The following KDM4B variants were observed in gnomAD, a reference collection of about 807,000 sequenced individuals.
KDM4B encodes the protein lysine demethylase 4B.
In KDM4B, 32 loss-of-function variants were observed where a neutral mutation model predicts 125.2. The ratio of observed to expected loss-of-function variants is 0.26; its 90% CI spans 0.19 to 0.34. The LOEUF is 0.34. Ranked by LOEUF, KDM4B falls within the 10% of genes least tolerant of loss-of-function variation. KDM4B has a pLI of 1.00. For synonymous variants in KDM4B, 721 were observed against 677.9 expected, an observed-to-expected ratio of 1.06 and a Z score of -0.99; for missense variants, 1,190 against 1,577.7, an observed-to-expected ratio of 0.75 and a Z score of 4.16.
intron 11 of KDM4B, among the ~76,000 whole-genome samples, chr19:5,130,067 G>A (rs2620842): frequency 0.29 from 43,979 of 151,860 alleles, 6,445 homozygotes; most frequent in East Asian, 0.44. Context: ...CCCTCAGCTC[G>A]AGTCCCTTCC....
intron 11 of KDM4B, among the ~76,000 whole-genome samples, chr19:5,127,160 C>G (rs941715029): frequency 1.3e-5 from 2 of 152,176 alleles, no homozygotes; most frequent in African/African-American, 4.8e-5. Context: ...GGCCTGGGTG[C>G]ATCCTGGGCC....
chr19:5,135,528 G>A lies in KDM4B; in HGVS notation c.2275G>A (p.Ala759Thr), dbSNP rs753937359. 1.2e-5 allele frequency: 19 copies of A among 1,607,192 alleles called. No homozygotes were observed. In the South Asian group the frequency reaches 1.3e-4, roughly 11 times the overall value. ...IGDDGTSPLI[A>T]CGKCCLQVHA... ...CGACGACGGGACCAGCCCCCTGATCGCCTGCGGCAAGTGCTGCCTGCAGGT... is the reference window on the plus strand; with the variant it reads ...CGACGACGGGACCAGCCCCCTGATCACCTGCGGCAAGTGCTGCCTGCAGGT... The change falls in exon 15 of 23, where the codon GCC becomes ACC. Residue 759 changes from alanine to threonine, a missense_variant. Coordinates refer to ENST00000159111, the MANE Select transcript of KDM4B (RefSeq NM_015015.3).
In KDM4B at chr19:5,103,980, C is replaced by G. The variant is rs141887811; in HGVS notation, c.919-6642C>G. On this transcript the variant is annotated intron_variant, in intron 9 of 22. Transcript: ENST00000159111. Reference sequence around the variant, plus strand: ...TTCCGAGCTCCTGAGGCTTGGCCACCCGCACATCATGGGGTGGGTGAGGAG... The same window carrying G: ...TTCCGAGCTCCTGAGGCTTGGCCACGCGCACATCATGGGGTGGGTGAGGAG... Among the ~76,000 whole-genome samples, 3 of 152,374 alleles carry G rather than the reference C, an allele frequency of 2.0e-5. No individual in the cohort carries two copies. The East Asian group carries it at 5.8e-4, about 29-fold the overall frequency.
intron 6 of KDM4B, among the ~76,000 whole-genome samples, chr19:5,055,178 G>A (rs1332323465): frequency 1.3e-5 from 2 of 152,202 alleles, no homozygotes; most frequent in Non-Finnish European, 2.9e-5. Context: ...GCTGTGTCTC[G>A]TGATGGTGTC....
At chr19:5,037,172 TC>T (rs1179908974) in intron 3 of KDM4B, among the ~76,000 whole-genome samples, 1 of 152,182 alleles carries the variant, frequency 6.6e-6, no homozygotes, top group Non-Finnish European at 1.5e-5. Flanking sequence ...ATTCACGGCT[TC>T]CCCTCGGCCA....
chr19:5,113,996 A>C (rs934031273), intron 10 of KDM4B: 2 of 1,257,086 alleles, frequency 1.6e-6, no homozygotes, highest in African/African-American at 3.1e-5. Context: ...AATCTCGTTG[A>C]GCGAGCGTTG....
At chr19:4,984,493 G>C (rs901165193) in intron 1 of KDM4B, among the ~76,000 whole-genome samples, 1 of 152,078 alleles carries the variant, frequency 6.6e-6, no homozygotes, top group African/African-American at 2.4e-5. Flanking sequence ...GGAAGCAGGC[G>C]TGGGGGTTTC....
At chr19:5,043,545 C>T (rs770683967) in intron 5 of KDM4B, among the ~76,000 whole-genome samples, 6 of 142,016 alleles carry the variant, frequency 4.2e-5, no homozygotes, top group Admixed American at 3.5e-4. Context: ...TGGTGTTTAT[C>T]GGAGTGGGGT....
chr19:5,030,904 G>A lies in KDM4B; in HGVS notation c.-25-1962G>A, dbSNP rs575875372. ...AGGGATGGCCTCAGGCCTTTGGCCC[G>A]GCCTCTGAGGGCTGGGGACCAGTAG... On this transcript the variant is annotated intron_variant, in intron 2 of 22. Coordinates refer to ENST00000159111, the MANE Select transcript of KDM4B (RefSeq NM_015015.3). Among the ~76,000 whole-genome samples the A allele has an allele frequency of 5.9e-5, 9 of 152,370 alleles. No homozygotes were observed. In the East Asian group the frequency reaches 1.2e-3, roughly 20 times the overall value.
At chr19:5,032,586 G>A (rs974727181) in intron 2 of KDM4B, among the ~76,000 whole-genome samples, 1 of 152,216 alleles carries the variant, frequency 6.6e-6, no homozygotes, top group Admixed American at 6.5e-5. Context: ...CCGAGGCCCC[G>A]CTTAAAATTA....
At chr19:5,094,558 G>C (rs764237073) in intron 9 of KDM4B, among the ~76,000 whole-genome samples, 2 of 152,100 alleles carry the variant, frequency 1.3e-5, no homozygotes, top group Non-Finnish European at 1.5e-5. Flanking sequence ...GTCTGTGGGC[G>C]TGGGAAGAAG....
intron 16 of KDM4B, 96 bp downstream of exon 16, chr19:5,137,434 G>A (rs538079239): frequency 3.1e-6 from 4 of 1,301,620 alleles, no homozygotes; most frequent in African/African-American, 1.5e-5. Flanking sequence ...TCCCCTCCGT[G>A]GGCCTGGGTT....
At chr19:5,091,561 C>T (rs909611071) in intron 9 of KDM4B, among the ~76,000 whole-genome samples, 3 of 152,202 alleles carry the variant, frequency 2.0e-5, no homozygotes, top group East Asian at 1.9e-4. Context: ...CCGGCAGGAA[C>T]CAGGCCTCTC....
intron 10 of KDM4B, among the ~76,000 whole-genome samples, chr19:5,118,176 C>G (rs1173014779): frequency 6.6e-6 from 1 of 152,182 alleles, no homozygotes; most frequent in Non-Finnish European, 1.5e-5. Flanking sequence ...TGAGCCTGCC[C>G]CACCTTGGTG....
At chr19:5,123,603 G>A (rs1483228019) in intron 11 of KDM4B, among the ~76,000 whole-genome samples, 1 of 152,240 alleles carries the variant, frequency 6.6e-6, no homozygotes, top group Non-Finnish European at 1.5e-5. Context: ...GCAGGCGAGG[G>A]GCTTCCTGCA....
intron 14 of KDM4B, among the ~76,000 whole-genome samples, chr19:5,135,076 C>CCAG (rs1447747660): frequency 6.6e-6 from 1 of 152,230 alleles, no homozygotes; most frequent in African/African-American, 2.4e-5. Context: ...GCCACACAGG[C>CCAG]CAGCCTGAGC....
At chr19:5,110,951 C>A in intron 10 of KDM4B, 133 bp downstream of exon 10, 1 of 683,932 alleles carries the variant, frequency 1.5e-6, no homozygotes, top group South Asian at 2.0e-5. Context: ...TATTCCCACC[C>A]CGCCTCCTCT....
At chr19:5,087,956 G>A (rs1236583367) in intron 9 of KDM4B, among the ~76,000 whole-genome samples, 1 of 152,192 alleles carries the variant, frequency 6.6e-6, no homozygotes, top group African/African-American at 2.4e-5. Flanking sequence ...ACAGGTTTAA[G>A]TCTCCTGTGT....
At chr19:4,972,954 T>C (rs1000439669) in intron 1 of KDM4B, among the ~76,000 whole-genome samples, 4 of 152,096 alleles carry the variant, frequency 2.6e-5, no homozygotes, top group Non-Finnish European at 5.9e-5. Context: ...GAGCTCCGGG[T>C]CTTCCTGGGC....
Sources: gnomAD v4.1 joint callset for allele counts (sites outside exome capture counted in the v4.1 genomes callset) on GRCh38, gnomAD v4.1.1 for gene constraint, MANE v1.5 for transcripts, NCBI Gene and HGNC (gene_info 2026-07-23, HGNC 2026-07-21) for gene names.